The following HEXB variants were observed in gnomAD, a reference collection of about 807,000 sequenced individuals.
The protein encoded by HEXB is hexosaminidase subunit beta, also known as beta-hexosaminidase subunit beta.
HEXB carries 51 observed loss-of-function variants against 71.2 expected under a neutral mutation model. The ratio of observed to expected loss-of-function variants is 0.72; its 90% confidence interval spans 0.57 to 0.90. HEXB has a LOEUF of 0.90. Ranked by LOEUF, HEXB falls within the 40% of genes least tolerant of loss-of-function variation. HEXB has a pLI of 0.00. For synonymous variants in HEXB, 266 were observed against 249.3 expected, an observed-to-expected ratio of 1.07 and a Z score of -0.63; for missense variants, 617 against 677.0, an observed-to-expected ratio of 0.91 and a Z score of 0.98.
chr5:74,718,227 A>G lies in HEXB; in HGVS notation c.1170-64A>G, dbSNP rs1049045812. On this transcript the variant is annotated intron_variant, in intron 9 of 13. Transcript: ENST00000261416. ...GCAAGAAATCCTTGGTAGAAAATGT[A>G]CATGTTTTAAATATATTGTTAAGCT... 24 of 1,082,872 alleles carry G rather than the reference A, an allele frequency of 2.2e-5. No individual in the cohort carries two copies. The African/African-American group carries it at 2.5e-4, about 11-fold the overall frequency. The allele number at this position is 1,082,872 out of a possible 1,614,324, so 67.1% of individuals were successfully genotyped here.
At chr5:74,712,579 ATTCT>A (rs1056697612) in intron 6 of HEXB, among the ~76,000 whole-genome samples, 11 of 152,134 alleles carry the variant, frequency 7.2e-5, no homozygotes, top group African/African-American at 2.4e-4. Context: ...ATGTCTAGTA[ATTCT>A]TTTTTGATCT....
intron 2 of HEXB, 42 bp from the exon 3 acceptor site, chr5:74,693,597 G>A (rs1266142819): frequency 7.5e-7 from 1 of 1,328,400 alleles, no homozygotes; most frequent in Non-Finnish European, 1.1e-6. Context: ...GTCATTGAGG[G>A]ATTAACAAAA....
chr5:74,657,414 T>C (rs1748240613), intron 1 of HEXB, among the ~76,000 whole-genome samples: 1 of 152,140 alleles, frequency 6.6e-6, no homozygotes, highest in South Asian at 2.1e-4. Flanking sequence ...ATAACTCCTA[T>C]TAGCGAGCCT....
At chr5:74,674,288 C>T (rs1748590746) in intron 1 of HEXB, among the ~76,000 whole-genome samples, 1 of 152,064 alleles carries the variant, frequency 6.6e-6, no homozygotes, top group Non-Finnish European at 1.5e-5. Flanking sequence ...TAACAAGAGT[C>T]CAAGGTCATC....
intron 1 of HEXB, among the ~76,000 whole-genome samples, chr5:74,645,947 T>C (rs6892338): frequency 0.015 from 1,266 of 82,618 alleles, 19 homozygotes; most frequent in African/African-American, 0.074. Flanking sequence ...TTCCTATGTC[T>C]GCATACTATT....
intron 1 of HEXB, among the ~76,000 whole-genome samples, chr5:74,678,961 A>C (rs1748685654): frequency 6.6e-6 from 1 of 152,244 alleles, no homozygotes; most frequent in Non-Finnish European, 1.5e-5. Context: ...AAAACAACTT[A>C]CAAAATTGAA....
chr5:74,664,670 G>T (rs771359903), intron 1 of HEXB, among the ~76,000 whole-genome samples: 4 of 152,060 alleles, frequency 2.6e-5, no homozygotes, highest in Non-Finnish European at 5.9e-5. Flanking sequence ...CTCCATAAAG[G>T]AAAGGGTTAC....
At chr5:74,717,093 G>A (rs1398474738) in intron 9 of HEXB, among the ~76,000 whole-genome samples, 2 of 152,192 alleles carry the variant, frequency 1.3e-5, no homozygotes, top group Admixed American at 6.5e-5. Flanking sequence ...GGGCGGCTGA[G>A]GGAGAATCTC....
intron 1 of HEXB, among the ~76,000 whole-genome samples, chr5:74,650,040 GA>G (rs1158261249): frequency 6.6e-6 from 1 of 152,224 alleles, no homozygotes; most frequent in Non-Finnish European, 1.5e-5. Context: ...AAATGCAATG[GA>G]AAATGAAGGA....
At chr5:74,660,177 A>G (rs1016977514) in intron 1 of HEXB, among the ~76,000 whole-genome samples, 1 of 152,232 alleles carries the variant, frequency 6.6e-6, no homozygotes, top group Non-Finnish European at 1.5e-5. Flanking sequence ...CTCATGCCCA[A>G]CAGCCATTCC....
At chr5:74,717,087 G>A (rs1302700247) in intron 9 of HEXB, among the ~76,000 whole-genome samples, 2 of 152,160 alleles carry the variant, frequency 1.3e-5, no homozygotes, top group East Asian at 1.9e-4. Flanking sequence ...CTACTCGGGC[G>A]GCTGAGGGAG....
chr5:74,642,823 A>C (rs1747929826), intron 1 of HEXB, among the ~76,000 whole-genome samples: 3 of 152,192 alleles, frequency 2.0e-5, no homozygotes, highest in Non-Finnish European at 1.5e-5. Flanking sequence ...GGCAGGGCTG[A>C]GAAAGGAAAG....
intron 1 of HEXB, among the ~76,000 whole-genome samples, chr5:74,653,564 T>C (rs955090146): frequency 6.6e-6 from 1 of 152,196 alleles, no homozygotes; most frequent in African/African-American, 2.4e-5. Flanking sequence ...AACCATTAAA[T>C]ACATCCTCTC....
At chr5:74,719,660 G>A (rs1411337614) in intron 11 of HEXB, among the ~76,000 whole-genome samples, 1 of 152,108 alleles carries the variant, frequency 6.6e-6, no homozygotes. Context: ...AAAGCATTAA[G>A]TGGCTGGGCA....
intron 1 of HEXB, among the ~76,000 whole-genome samples, chr5:74,674,483 C>A (rs978632658): frequency 1.6e-4 from 25 of 151,862 alleles, no homozygotes; most frequent in Admixed American, 1.4e-3. Flanking sequence ...AGGCGCCTGT[C>A]GTCCCAGCTG....
At chr5:74,668,053 C>G (rs565882204) in intron 1 of HEXB, among the ~76,000 whole-genome samples, 1 of 152,144 alleles carries the variant, frequency 6.6e-6, no homozygotes, top group East Asian at 1.9e-4. Context: ...AGTGACAGAG[C>G]CTGGCTCTTC....
At chr5:74,713,154 G>A (rs1749589972) in intron 6 of HEXB, among the ~76,000 whole-genome samples, 2 of 152,194 alleles carry the variant, frequency 1.3e-5, no homozygotes, top group South Asian at 4.1e-4. Context: ...TCTTGAAACA[G>A]GAGGCACTGA....
chr5:74,671,558 A>T (rs963672237), intron 1 of HEXB, among the ~76,000 whole-genome samples: 1 of 152,104 alleles, frequency 6.6e-6, no homozygotes, highest in African/African-American at 2.4e-5. Context: ...AAGCGGGGAG[A>T]TTGCAAAAGG....
intron 1 of HEXB, among the ~76,000 whole-genome samples, chr5:74,672,650 T>A (rs1279290661): frequency 1.3e-5 from 2 of 152,236 alleles, no homozygotes; most frequent in Non-Finnish European, 1.5e-5. Flanking sequence ...CTGACAGCAA[T>A]GCCCTCTTAG....
Sources: allele counts gnomAD v4.1 joint callset (sites outside exome capture counted in the v4.1 genomes callset), GRCh38; gene constraint gnomAD v4.1.1; transcripts MANE v1.5; gene names NCBI Gene and HGNC (gene_info 2026-07-23, HGNC 2026-07-21).